The following CNTNAP5 variants were observed in gnomAD, a reference collection of about 807,000 sequenced individuals.
CNTNAP5 encodes the protein contactin-associated protein-like 5.
A neutral mutation model predicts 150.2 loss-of-function variants in CNTNAP5; 72 were observed. The ratio of observed to expected loss-of-function variants is 0.48; its 90% CI spans 0.40 to 0.58. The LOEUF is 0.58. Among genes scored for constraint, CNTNAP5 ranks in the 20% least tolerant of loss-of-function variants. The pLI is 0.00. For missense variants in CNTNAP5, 1,636 were observed against 1,626.2 expected (o/e 1.01, Z -0.10); for synonymous variants, 672 against 619.8 (o/e 1.08, Z -1.25).
At chr2:124,880,943 G>C (rs1210286673) in intron 21 of CNTNAP5, among the ~76,000 whole-genome samples, 1 of 152,118 alleles carries the variant, frequency 6.6e-6, no homozygotes, top group East Asian at 1.9e-4. Flanking sequence ...TACATTCCAG[G>C]AAGGAGGAAT....
chr2:124,251,475 T>A (rs1195678750), intron 3 of CNTNAP5, among the ~76,000 whole-genome samples: 1 of 151,878 alleles, frequency 6.6e-6, no homozygotes, highest in Non-Finnish European at 1.5e-5. Context: ...TGCTTTTTTT[T>A]TTTTTTTACC....
intron 13 of CNTNAP5, among the ~76,000 whole-genome samples, chr2:124,651,485 A>G (rs7605492): frequency 0.017 from 2,599 of 152,328 alleles, 68 homozygotes; most frequent in African/African-American, 0.06. Flanking sequence ...ACAGATCTGC[A>G]CCATAAGAGT....
At chr2:124,798,458 C>T in intron 19 of CNTNAP5, 138 bp downstream of exon 19, 3 of 634,226 alleles carry the variant, frequency 4.7e-6, no homozygotes, top group Non-Finnish European at 8.3e-6. Context: ...CAGCCAAATC[C>T]TTGATTATTC....
At chr2:124,571,830 A>G (rs1012896766) in intron 11 of CNTNAP5, among the ~76,000 whole-genome samples, 1 of 151,786 alleles carries the variant, frequency 6.6e-6, no homozygotes, top group African/African-American at 2.4e-5. Flanking sequence ...CTTTCATCAT[A>G]ATGATTGGTA....
intron 11 of CNTNAP5, among the ~76,000 whole-genome samples, chr2:124,599,134 G>C (rs142822082): frequency 1.3e-5 from 2 of 151,422 alleles, no homozygotes; most frequent in South Asian, 2.1e-4. Flanking sequence ...GCTGTAGACC[G>C]GAGCTGTTCC....
intron 13 of CNTNAP5, among the ~76,000 whole-genome samples, chr2:124,671,173 A>G (rs1347445225): frequency 6.6e-6 from 1 of 152,250 alleles, no homozygotes. Context: ...TAGCATAATC[A>G]TCACTACCAA....
chr2:124,683,787 C>A (rs1460393829), intron 13 of CNTNAP5, among the ~76,000 whole-genome samples: 3 of 152,162 alleles, frequency 2.0e-5, no homozygotes. Flanking sequence ...CTTTTCTACC[C>A]TCTTCAAGAC....
chr2:124,815,417 A>C (rs1682340329), intron 19 of CNTNAP5, among the ~76,000 whole-genome samples: 1 of 152,210 alleles, frequency 6.6e-6, no homozygotes, highest in South Asian at 2.1e-4. Flanking sequence ...TTTGTGCTGA[A>C]AGCTGAAGGC....
rs181979008 is a variant in CNTNAP5 at position 124,080,475 on chromosome 2, C to A, written c.82+54743C>A. Among the ~76,000 whole-genome samples the A allele has an allele frequency of 4.6e-5, 7 of 152,220 alleles. No individual in the cohort carries two copies. In the East Asian group the frequency reaches 1.4e-3, roughly 29 times the overall value. On this transcript the variant is annotated intron_variant, in intron 1 of 23. Transcript: ENST00000682447. ...CTGTAACTCAGGCTTTGTGAAAGAG[C>A]CAGTGACTTTGAACCGCTGCATGAA...
At position 124,235,775 on chromosome 2, in the gene CNTNAP5, G is replaced by A. The variant is rs181728483; in HGVS notation, c.188-6425G>A. On this transcript the variant is annotated intron_variant, in intron 2 of 23. Coordinates refer to ENST00000682447, the MANE Select transcript of CNTNAP5 (RefSeq NM_001367498.1). ...GGCAGCCATCAACTATAATAACCGG[G>A]TCTGATTATTATCCAAAATCACCAC... is the stretch of plus-strand genomic sequence containing the variant. 2.9e-3 allele frequency among the ~76,000 whole-genome samples: 436 copies of A among 151,952 alleles called. 1 individual carries two copies. Among genetic ancestry groups the A allele is most frequent in the African/African-American group, 1.0e-2 (413 of 41,436 alleles).
chr2:124,556,287 G>A (rs1695754151), intron 10 of CNTNAP5, among the ~76,000 whole-genome samples: 2 of 152,040 alleles, frequency 1.3e-5, no homozygotes, highest in South Asian at 4.1e-4. Flanking sequence ...TGTAAAACAG[G>A]GGAAATAATA....
intron 3 of CNTNAP5, among the ~76,000 whole-genome samples, chr2:124,258,863 CTTTT>C (rs35963035): frequency 6.7e-6 from 1 of 148,812 alleles, no homozygotes; most frequent in Non-Finnish European, 1.5e-5. Flanking sequence ...TCCAGTAATA[CTTTT>C]TTTTTTTACT....
At chr2:124,416,113 C>T (rs1691911880) in intron 3 of CNTNAP5, among the ~76,000 whole-genome samples, 1 of 151,888 alleles carries the variant, frequency 6.6e-6, no homozygotes, top group Non-Finnish European at 1.5e-5. Context: ...GGATTGAAGA[C>T]AATTGTTTCT....
At chr2:124,696,541 C>T (rs183275323) in intron 13 of CNTNAP5, among the ~76,000 whole-genome samples, 4 of 152,252 alleles carry the variant, frequency 2.6e-5, no homozygotes, top group Admixed American at 1.3e-4. Flanking sequence ...TGGAGCTACT[C>T]GGTGCCTGTC....
chr2:124,585,123 G>A (rs1427268220), intron 11 of CNTNAP5, among the ~76,000 whole-genome samples: 2 of 152,182 alleles, frequency 1.3e-5, no homozygotes, highest in East Asian at 1.9e-4. Context: ...CAAAGGAAAA[G>A]TTTCTGTTTT....
intron 1 of CNTNAP5, among the ~76,000 whole-genome samples, chr2:124,146,523 A>G (rs1160464162): frequency 2.0e-5 from 3 of 152,136 alleles, no homozygotes; most frequent in Non-Finnish European, 2.9e-5. Context: ...GAATTATGAA[A>G]GTAAACATTT....
At chr2:124,658,159 A>C (rs2105041084) in intron 13 of CNTNAP5, among the ~76,000 whole-genome samples, 2 of 152,310 alleles carry the variant, frequency 1.3e-5, no homozygotes, top group Middle Eastern at 6.8e-3. Context: ...AGGACAGATG[A>C]CAACACACGT....
At chr2:124,509,343 G>T (rs1474154341) in intron 8 of CNTNAP5, among the ~76,000 whole-genome samples, 1 of 152,074 alleles carries the variant, frequency 6.6e-6, no homozygotes, top group East Asian at 1.9e-4. Flanking sequence ...TCTCTTTCTT[G>T]TATTTTTCTT....
chr2:124,170,988 C>T (rs1231817765), intron 1 of CNTNAP5, among the ~76,000 whole-genome samples: 1 of 152,110 alleles, frequency 6.6e-6, no homozygotes, highest in African/African-American at 2.4e-5. Context: ...TTTGAGAAGC[C>T]CCTAACTTCC....
Sources: gnomAD v4.1 joint callset for allele counts (sites outside exome capture counted in the v4.1 genomes callset) on GRCh38, gnomAD v4.1.1 for gene constraint, MANE v1.5 for transcripts, NCBI Gene and HGNC (gene_info 2026-07-23, HGNC 2026-07-21) for gene names.